The following LRP12 variants were observed in gnomAD, a reference collection of about 807,000 sequenced individuals.
The protein encoded by LRP12 is low-density lipoprotein receptor-related protein 12.
A neutral mutation model predicts 66.0 loss-of-function variants in LRP12; 14 were observed. The observed-to-expected ratio is 0.21, with a 90% CI of 0.14 to 0.33. LRP12 has a LOEUF of 0.33. LRP12 is among the 10% of genes least tolerant of loss of function. The pLI is 1.00. For synonymous variants in LRP12, 357 were observed against 359.1 expected, an observed-to-expected ratio of 0.99 and a Z score of 0.07; for missense variants, 889 against 1,053.4, an observed-to-expected ratio of 0.84 and a Z score of 2.16.
chr8:104,565,922 T>C lies in LRP12; in HGVS notation c.79+22897A>G, dbSNP rs1307703915. 6.2e-5 allele frequency among the ~76,000 whole-genome samples: 6 copies of C among 96,586 alleles called. No individual in the cohort carries two copies. In the East Asian group the frequency reaches 1.7e-3, roughly 28 times the overall value. 63.4% of individuals were successfully genotyped at this position (96,586 alleles called of 152,430 possible). On this transcript the variant is annotated intron_variant, in intron 1 of 6. Transcript: ENST00000276654. Reference sequence around the variant, plus strand: ...ATGTTACTTGGTTGTGGGGGAAGAATGGAAAGACGGAGGGGGAGAAAGGCT... The same window carrying C: ...ATGTTACTTGGTTGTGGGGGAAGAACGGAAAGACGGAGGGGGAGAAAGGCT...
At chr8:104,565,991 AGATGCGGGGAGAGGGAGAG>A (rs1242259135) in intron 1 of LRP12, 1 of 150,634 alleles carries the variant, frequency 6.6e-6, no homozygotes, top group Non-Finnish European at 1.4e-5. Context: ...GGAGAGGGGG[AGATGCGGGGAGAGGGAGAG>A]GACGCAGCAA....
intron 1 of LRP12, among the ~76,000 whole-genome samples, chr8:104,549,400 C>CTT (rs66644217): frequency 0.017 from 1,995 of 116,642 alleles, 109 homozygotes; most frequent in African/African-American, 0.04. Flanking sequence ...TCTGAATCCA[C>CTT]TTTTTTTTTT....
chr8:104,564,566 G>T (rs982310498), intron 1 of LRP12, among the ~76,000 whole-genome samples: 1 of 151,768 alleles, frequency 6.6e-6, no homozygotes, highest in Non-Finnish European at 1.5e-5. Flanking sequence ...GGAGTAATCA[G>T]GGGAGATAAG....
intron 1 of LRP12, among the ~76,000 whole-genome samples, chr8:104,544,165 C>T (rs561376397): frequency 2.0e-5 from 3 of 152,310 alleles, no homozygotes; most frequent in East Asian, 1.9e-4. Context: ...GCCACAACAT[C>T]GCCTTAAGCC....
rs1810580413 is a variant in LRP12 at position 104,489,392 on chromosome 8, A to T, written c.*1281T>A. On this transcript the variant is annotated 3_prime_UTR_variant, in exon 7 of 7. Coordinates refer to ENST00000276654, the MANE Select transcript of LRP12 (RefSeq NM_013437.5). ...CATTCAGCAAAGTACTTAAAATTTA[A>T]TAAATAGCAAATCACACACAGATAC... 1 of 152,632 alleles carries T rather than the reference A, an allele frequency of 6.6e-6. No individual in the cohort carries two copies. The highest frequency in any genetic ancestry group is 1.5e-5 in the Non-Finnish European group (1 of 67,998). The allele number at this position is 152,632 out of a possible 1,614,324, so 9.5% of individuals were successfully genotyped here.
At chr8:104,511,126 C>G (rs1008712240) in intron 2 of LRP12, among the ~76,000 whole-genome samples, 1 of 143,000 alleles carries the variant, frequency 7.0e-6, no homozygotes, top group Non-Finnish European at 1.5e-5. Flanking sequence ...TCACTACAAC[C>G]TCTGCCTCCC....
chr8:104,557,341 C>T (rs976352088), intron 1 of LRP12, among the ~76,000 whole-genome samples: 8 of 152,092 alleles, frequency 5.3e-5, no homozygotes, highest in Admixed American at 2.6e-4. Context: ...GTCAAACTGT[C>T]GCTGTTTGCC....
At chr8:104,520,017 C>T (rs1811123245) in intron 2 of LRP12, among the ~76,000 whole-genome samples, 1 of 150,118 alleles carries the variant, frequency 6.7e-6, no homozygotes, top group Admixed American at 6.6e-5. Context: ...AAATAAAATA[C>T]AAAGTCAGAA....
chr8:104,499,405 C>G lies in LRP12; in HGVS notation c.387G>C (p.Pro129=), dbSNP rs201068227. The change falls in exon 4 of 7, where the codon CCG becomes CCC. Residue 129 remains proline (P), a synonymous_variant. Coordinates refer to ENST00000276654, the MANE Select transcript of LRP12 (RefSeq NM_013437.5). ...YRACGSTIPP[P]YISSQDHIWI... ...AGATGTGGTCTTGTGAAGAGATATA[C>G]GGAGGTGGAATTGTGGAACCACAAG... is the stretch of plus-strand genomic sequence containing the variant. The G allele has an allele frequency of 6.2e-7, 1 of 1,613,440 alleles. No individual in the cohort carries two copies. Among genetic ancestry groups the G allele is most frequent in the Non-Finnish European group, 8.5e-7 (1 of 1,179,550 alleles).
At chr8:104,540,147 G>A (rs1811454198) in intron 1 of LRP12, among the ~76,000 whole-genome samples, 1 of 151,862 alleles carries the variant, frequency 6.6e-6, no homozygotes, top group South Asian at 2.1e-4. Flanking sequence ...ATAAGAAGAG[G>A]AGATACCAGA....
At chr8:104,548,046 T>G (rs188062356) in intron 1 of LRP12, among the ~76,000 whole-genome samples, 2,074 of 116,644 alleles carry the variant, frequency 0.018, 25 homozygotes, top group South Asian at 0.036. Context: ...ATAATTCTGT[T>G]ATATTATATT....
chr8:104,587,915 G>C (rs891970968), intron 1 of LRP12, among the ~76,000 whole-genome samples: 8 of 152,218 alleles, frequency 5.3e-5, no homozygotes, highest in Non-Finnish European at 1.2e-4. Flanking sequence ...GTGTTTAACT[G>C]ATGAACTAAG....
chr8:104,583,987 ATATATT>A (rs1168600906), intron 1 of LRP12, among the ~76,000 whole-genome samples: 1 of 152,020 alleles, frequency 6.6e-6, no homozygotes, highest in Non-Finnish European at 1.5e-5. Flanking sequence ...TATTGAAATA[ATATATT>A]TATATATACT....
At chr8:104,522,462 G>A (rs934971822) in intron 2 of LRP12, among the ~76,000 whole-genome samples, 8 of 151,956 alleles carry the variant, frequency 5.3e-5, no homozygotes, top group African/African-American at 1.7e-4. Context: ...ATATGAATAC[G>A]GATTAAGAAA....
intron 2 of LRP12, among the ~76,000 whole-genome samples, chr8:104,530,447 T>A (rs1024817859): frequency 1.3e-5 from 2 of 152,042 alleles, no homozygotes; most frequent in Non-Finnish European, 2.9e-5. Flanking sequence ...TGAACATTCA[T>A]AGAAAAAAGG....
At chr8:104,491,802 A>G (rs6986854) in intron 6 of LRP12, among the ~76,000 whole-genome samples, 19 of 152,260 alleles carry the variant, frequency 1.2e-4, no homozygotes, top group Admixed American at 2.6e-4. Context: ...CTTAAAAATG[A>G]TATTTAATGT....
intron 1 of LRP12, among the ~76,000 whole-genome samples, chr8:104,580,078 T>C (rs1389761565): frequency 2.0e-5 from 3 of 152,052 alleles, no homozygotes; most frequent in Admixed American, 1.3e-4. Flanking sequence ...AATTGACAAA[T>C]GGAATCTAAT....
chr8:104,540,626 T>C (rs1241365329), intron 1 of LRP12, among the ~76,000 whole-genome samples: 2 of 152,216 alleles, frequency 1.3e-5, no homozygotes, highest in African/African-American at 4.8e-5. Context: ...CCATCCATTA[T>C]GTATTTATAT....
chr8:104,558,936 A>C (rs970694451), intron 1 of LRP12, among the ~76,000 whole-genome samples: 7 of 152,138 alleles, frequency 4.6e-5, no homozygotes, highest in Non-Finnish European at 7.4e-5. Context: ...GAGTGGCCAT[A>C]ATCAAGAAAT....
Sources: gnomAD v4.1 joint callset for allele counts (sites outside exome capture counted in the v4.1 genomes callset) on GRCh38, gnomAD v4.1.1 for gene constraint, MANE v1.5 for transcripts, NCBI Gene and HGNC (gene_info 2026-07-23, HGNC 2026-07-21) for gene names.